Variants in TDRD3 observed in about 807,000 individuals in gnomAD.
TDRD3 encodes tudor domain-containing protein 3.
A neutral mutation model predicts 86.7 loss-of-function variants in TDRD3; 45 were observed. The observed-to-expected ratio is 0.52, with a 90% CI of 0.41 to 0.67. The LOEUF (loss-of-function observed/expected upper bound fraction) is 0.67, where lower values mean the gene tolerates loss of function less well. TDRD3 is among the 30% of genes least tolerant of loss of function. The pLI, the probability that TDRD3 is intolerant of heterozygous loss-of-function variation, is 0.00. For missense variants in TDRD3, 814 were observed against 889.0 expected (o/e 0.92, Z 1.07); for synonymous variants, 298 against 301.7 (o/e 0.99, Z 0.13).
chr13:60,452,950 A>G (rs913080156), intron 3 of TDRD3, among the ~76,000 whole-genome samples: 5 of 151,910 alleles, frequency 3.3e-5, no homozygotes, highest in Non-Finnish European at 7.4e-5. Flanking sequence ...CTTTGTTACA[A>G]TAGACTTTGT....
chr13:60,407,273 A>C (rs1349634024), intron 1 of TDRD3, among the ~76,000 whole-genome samples: 1 of 152,338 alleles, frequency 6.6e-6, no homozygotes, highest in Non-Finnish European at 1.5e-5. Context: ...TAAGGTGCAC[A>C]GTAGACACTT....
At chr13:60,524,553 C>T (rs948587316) in intron 10 of TDRD3, among the ~76,000 whole-genome samples, 1 of 151,396 alleles carries the variant, frequency 6.6e-6, no homozygotes, top group Non-Finnish European at 1.5e-5. Context: ...AAGAAAAGAA[C>T]GATTGCCTCT....
chr13:60,457,204 A>G (rs1490532884), intron 3 of TDRD3, among the ~76,000 whole-genome samples: 1 of 152,150 alleles, frequency 6.6e-6, no homozygotes, highest in African/African-American at 2.4e-5. Flanking sequence ...CTACTAACTT[A>G]AGGCTTGATG....
chr13:60,405,014 G>A (rs910635159), intron 1 of TDRD3, among the ~76,000 whole-genome samples: 1 of 152,226 alleles, frequency 6.6e-6, no homozygotes, highest in Non-Finnish European at 1.5e-5. Context: ...ATAAGATGTG[G>A]CTTGTCCCTC....
chr13:60,486,478 ATCC>A (rs1238514300), intron 7 of TDRD3, among the ~76,000 whole-genome samples: 2 of 152,138 alleles, frequency 1.3e-5, no homozygotes, highest in African/African-American at 2.4e-5. Flanking sequence ...ACACACACAA[ATCC>A]TCCTTTTTAA....
chr13:60,425,264 T>C (rs946490410), intron 1 of TDRD3, among the ~76,000 whole-genome samples: 1 of 152,200 alleles, frequency 6.6e-6, no homozygotes, highest in East Asian at 1.9e-4. Flanking sequence ...GAAAAGGTGC[T>C]CAAGATCACG....
In TDRD3 at chr13:60,444,725, A is replaced by G. The variant is rs1353859146; in HGVS notation, c.169A>G (p.Ile57Val). 2.0e-6 allele frequency: 3 copies of G among 1,490,006 alleles called. No individual in the cohort carries two copies. The highest frequency in any genetic ancestry group is 2.6e-5 in the East Asian group (1 of 38,698). 92.3% of individuals were successfully genotyped at this position (1,490,006 alleles called of 1,614,324 possible). A position where few individuals can be genotyped will look rare whatever the true frequency, so the allele number is the denominator to read the frequency against. The change falls in exon 3 of 14, where the codon ATC (isoleucine) becomes GTC (valine). Residue 57 changes from isoleucine to valine, a missense_variant. By Grantham distance (29) the Ile-to-Val change is conservative. Coordinates refer to ENST00000377881, the MANE Select transcript of TDRD3 (RefSeq NM_001146070.2). ...TIGKKFLPSD[I>V]NSGKVEKLEG... ...TGGCAAGAAATTCCTCCCCAGTGAC[A>G]TCAATAGTGGAAAGGTAGAAAAGGT...
intron 4 of TDRD3, 189 bp downstream of exon 4, chr13:60,460,729 G>A (rs1349917016): frequency 6.1e-6 from 3 of 495,446 alleles, no homozygotes; most frequent in Non-Finnish European, 9.7e-6. Flanking sequence ...ATATGGCCAG[G>A]CGTGGTGGCT....
At chr13:60,458,079 G>A (rs1426960648) in intron 3 of TDRD3, among the ~76,000 whole-genome samples, 1 of 152,180 alleles carries the variant, frequency 6.6e-6, no homozygotes, top group African/African-American at 2.4e-5. Context: ...GAGGCCAGGA[G>A]TTGGATTAAT....
Position 60,397,230 on chromosome 13 carries a change from C to T in TDRD3, c.-135C>T. The T allele has an allele frequency of 8.3e-6, 4 of 482,766 alleles. No individual in the cohort carries two copies. The highest frequency in any genetic ancestry group is 1.4e-5 in the Non-Finnish European group (4 of 291,664). 29.9% of individuals were successfully genotyped at this position (482,766 alleles called of 1,614,324 possible). A position where few individuals can be genotyped will look rare whatever the true frequency, so the allele number is the denominator to read the frequency against. Reference sequence around the variant, plus strand: ...GGAAGCGCCGGCCGCACTGAGCATGCCCAGTTGCAGAGCCGACCAGAGGAG... The same window carrying T: ...GGAAGCGCCGGCCGCACTGAGCATGTCCAGTTGCAGAGCCGACCAGAGGAG... On this transcript the variant is annotated 5_prime_UTR_variant, in exon 1 of 14. Coordinates refer to ENST00000377881, the MANE Select transcript of TDRD3 (RefSeq NM_001146070.2).
At position 60,508,566 on chromosome 13, in the gene TDRD3, A is replaced by C. The variant is rs1251734008; in HGVS notation, c.859-1197A>C. ...TTTGCTGGGAAAACTGGCTAGCCAT[A>C]TGCAGAAAACTGAAACTGGATCCCT... On this transcript the variant is annotated intron_variant, in intron 8 of 13. Transcript: ENST00000377881. Among the ~76,000 whole-genome samples, 8 of 152,236 alleles carry C rather than the reference A, an allele frequency of 5.3e-5. No homozygotes were observed. The East Asian group carries it at 1.5e-3, about 29-fold the overall frequency.
chr13:60,485,782 C>T lies in TDRD3; in HGVS notation c.568-17C>T, dbSNP rs766259445. 1 of 1,548,556 alleles carries T rather than the reference C, an allele frequency of 6.5e-7. No homozygotes were observed. The highest frequency in any genetic ancestry group is 2.0e-5 in the Admixed American group (1 of 49,648). On this transcript the variant is annotated splice_polypyrimidine_tract_variant and intron_variant, in intron 6 of 13. Transcript: ENST00000377881. ...TTTGGAACTACTAAGTTGACTTATT[C>T]TTACTTGTTTTACTAGAAGTGTGTA...
chr13:60,494,682 T>G, intron 8 of TDRD3, 107 bp downstream of exon 8: 11 of 966,668 alleles, frequency 1.1e-5, no homozygotes, highest in Non-Finnish European at 1.6e-5. Context: ...TATGGATAGA[T>G]GTTATAACTC....
At chr13:60,417,218 T>C (rs1954543772) in intron 1 of TDRD3, among the ~76,000 whole-genome samples, 1 of 152,054 alleles carries the variant, frequency 6.6e-6, no homozygotes, top group African/African-American at 2.4e-5. Flanking sequence ...TCTTGCTATG[T>C]TGTCCAGGCT....
chr13:60,496,232 C>T (rs1956709118), intron 8 of TDRD3, among the ~76,000 whole-genome samples: 1 of 142,352 alleles, frequency 7.0e-6, no homozygotes, highest in African/African-American at 2.6e-5. Flanking sequence ...CTCCTTGCTC[C>T]GTAGCCTGCA....
At chr13:60,410,818 A>G (rs191137993) in intron 1 of TDRD3, among the ~76,000 whole-genome samples, 77 of 152,158 alleles carry the variant, frequency 5.1e-4, no homozygotes, top group Non-Finnish European at 8.7e-4. Flanking sequence ...GTTGTTGCTG[A>G]TAAATTTTTT....
chr13:60,545,549 T>C (rs1957920109), intron 12 of TDRD3, among the ~76,000 whole-genome samples: 1 of 152,066 alleles, frequency 6.6e-6, no homozygotes, highest in South Asian at 2.1e-4. Flanking sequence ...TTGGTAACCA[T>C]TTTTTTGGTA....
Position 60,552,878 on chromosome 13 carries a change from G to C in TDRD3, c.2119-14647G>C, listed in dbSNP as rs141714979. 2.7e-3 allele frequency among the ~76,000 whole-genome samples: 410 copies of C among 152,352 alleles called. 6 individuals are homozygous for C. Among genetic ancestry groups the C allele is most frequent in the African/African-American group, 9.5e-3 (394 of 41,578 alleles). On this transcript the variant is annotated intron_variant, in intron 12 of 13. Coordinates refer to ENST00000377881, the MANE Select transcript of TDRD3 (RefSeq NM_001146070.2). Reference sequence around the variant, plus strand: ...TTGGCCCCTTTTAGCCATGGCTGGAGCTGGGGTGGCTGGGATACAGGACAC... The same window carrying C: ...TTGGCCCCTTTTAGCCATGGCTGGACCTGGGGTGGCTGGGATACAGGACAC...
intron 10 of TDRD3, among the ~76,000 whole-genome samples, chr13:60,513,995 A>G (rs1389324115): frequency 2.0e-5 from 3 of 152,200 alleles, no homozygotes; most frequent in African/African-American, 7.2e-5. Context: ...AGAGGTTGGA[A>G]TGGTTTGGAG....
Sources: allele counts gnomAD v4.1 joint callset (sites outside exome capture counted in the v4.1 genomes callset), GRCh38; gene constraint gnomAD v4.1.1; transcripts MANE v1.5; gene names NCBI Gene and HGNC (gene_info 2026-07-23, HGNC 2026-07-21).